CSK: variants seen among roughly 807,000 people sequenced by gnomAD.
CSK encodes the protein tyrosine-protein kinase CSK.
A neutral mutation model predicts 62.3 loss-of-function variants in CSK; 7 were observed. The ratio of observed to expected loss-of-function variants is 0.11; its 90% confidence interval spans 0.06 to 0.21. The LOEUF is 0.21. Among genes scored for constraint, CSK ranks in the 10% least tolerant of loss-of-function variants. CSK has a pLI of 1.00. For synonymous variants in CSK, 237 were observed against 246.0 expected (o/e 0.96, Z 0.34); for missense variants, 294 against 613.5 (o/e 0.48, Z 5.50).
chr15:74,792,362 A>G (rs1239240060), intron 1 of CSK, among the ~76,000 whole-genome samples: 1 of 152,148 alleles, frequency 6.6e-6, no homozygotes, highest in Non-Finnish European at 1.5e-5. Context: ...GAGACAGGGC[A>G]CAGGTGTCCT....
In CSK at chr15:74,797,322, G is replaced by A. The variant is rs368122650; in HGVS notation, c.-65-911G>A. ...TGTAATCCCAGCATTTTGGGAGGCCGAGGTGGGTGGATCACCTGAGGTCAG... is the reference window on the plus strand; with the variant it reads ...TGTAATCCCAGCATTTTGGGAGGCCAAGGTGGGTGGATCACCTGAGGTCAG... On this transcript the variant is annotated intron_variant, in intron 1 of 12. Coordinates refer to ENST00000220003, the MANE Select transcript of CSK (RefSeq NM_004383.3). Among the ~76,000 whole-genome samples, 12 of 152,304 alleles carry A rather than the reference G, an allele frequency of 7.9e-5. No individual in the cohort carries two copies. In the East Asian group the frequency reaches 1.9e-3, roughly 25 times the overall value.
In CSK at chr15:74,800,392, C is replaced by T; in HGVS notation, c.463-20C>T. 3.7e-6 allele frequency: 6 copies of T among 1,610,942 alleles called. No homozygotes were observed. Among genetic ancestry groups the T allele is most frequent in the African/African-American group, 1.3e-5 (1 of 74,960 alleles). ...GCACCTTGGGCTGTCTCTGAGCACCCTGCCCCCCACACCCTGCAGCACTAC... is the reference window on the plus strand; with the variant it reads ...GCACCTTGGGCTGTCTCTGAGCACCTTGCCCCCCACACCCTGCAGCACTAC... On this transcript the variant is annotated intron_variant, in intron 5 of 12. Coordinates refer to ENST00000220003, the MANE Select transcript of CSK (RefSeq NM_004383.3).
At chr15:74,790,219 T>C (rs887487603) in intron 1 of CSK, among the ~76,000 whole-genome samples, 3 of 152,212 alleles carry the variant, frequency 2.0e-5, no homozygotes, top group African/African-American at 7.2e-5. Context: ...CACTTCCCTT[T>C]TCAGTGGGTA....
At chr15:74,788,344 G>A (rs8033381) in intron 1 of CSK, among the ~76,000 whole-genome samples, 100,809 of 151,996 alleles carry the variant, frequency 0.66, 33,853 homozygotes, top group Non-Finnish European at 0.72. Context: ...TCAGGGTGTC[G>A]TCTGTCCTGC....
In CSK at chr15:74,800,815, GC is replaced by G; in HGVS notation, c.623-3del. 3 of 1,609,662 alleles carry G rather than the reference GC, an allele frequency of 1.9e-6. No individual in the cohort carries two copies. The highest frequency in any genetic ancestry group is 2.5e-6 in the Non-Finnish European group (3 of 1,178,086). ...AACTTGGGAACAAGACCACCTCTCT[GC>G]CCCCAGACGTGATGCTGGGCGATTA... On this transcript the variant is annotated splice_polypyrimidine_tract_variant and splice_region_variant and intron_variant, in intron 7 of 12. Coordinates refer to ENST00000220003, the MANE Select transcript of CSK (RefSeq NM_004383.3).
intron 5 of CSK, 85 bp downstream of exon 5, chr15:74,799,576 T>A (rs1340825741): frequency 7.4e-6 from 10 of 1,355,718 alleles, no homozygotes; most frequent in Middle Eastern, 3.9e-4. Context: ...CCAGCCCCAC[T>A]GCTTCTGCGT....
intron 1 of CSK, among the ~76,000 whole-genome samples, chr15:74,793,470 G>A (rs2063656621): frequency 6.6e-6 from 1 of 152,194 alleles, no homozygotes; most frequent in Non-Finnish European, 1.5e-5. Flanking sequence ...CGGCAGGGAG[G>A]CACGGGGCTA....
chr15:74,789,404 G>A (rs3784790), intron 1 of CSK, among the ~76,000 whole-genome samples: 2 of 151,998 alleles, frequency 1.3e-5, no homozygotes, highest in Admixed American at 1.3e-4. Context: ...GGAAGCCCTC[G>A]GGCACCCTTC....
At position 74,801,873 on chromosome 15, in the gene CSK, G is replaced by GAGGCCCTGAGAGAGAAGGTGGGC; in HGVS notation, c.1083+5_1083+6insCAGGCCCTGAGAGAGAAGGTGGG. Reference sequence around the variant, plus strand: ...GCTGCCAGTCAAGTGGACAGCCCCTGAGGCCCTGAGAGAGAAGGTGGGGCT... The same window carrying GAGGCCCTGAGAGAGAAGGTGGGC: ...GCTGCCAGTCAAGTGGACAGCCCCTGAGGCCCTGAGAGAGAAGGTGGGCAGGCCCTGAGAGAGAAGGTGGGGCT... On this transcript the variant is annotated frameshift_variant, in exon 11 of 13. Coordinates refer to ENST00000220003, the MANE Select transcript of CSK (RefSeq NM_004383.3). LOFTEE classifies it high-confidence loss of function. 1 of 1,611,476 alleles carries GAGGCCCTGAGAGAGAAGGTGGGC rather than the reference G, an allele frequency of 6.2e-7. No individual in the cohort carries two copies. Among genetic ancestry groups the GAGGCCCTGAGAGAGAAGGTGGGC allele is most frequent in the Non-Finnish European group, 8.5e-7 (1 of 1,178,106 alleles).
intron 1 of CSK, among the ~76,000 whole-genome samples, chr15:74,785,997 TCTCTC>T (rs2063510760): frequency 1.2e-5 from 1 of 84,822 alleles, no homozygotes; most frequent in Non-Finnish European, 2.8e-5. Flanking sequence ...TCTCTCTCTC[TCTCTC>T]TTTTTTTTTT....
chr15:74,802,151 C>T, intron 12 of CSK, 68 bp downstream of exon 12: 1 of 1,519,552 alleles, frequency 6.6e-7, no homozygotes, highest in South Asian at 1.2e-5. Context: ...GCGTGAGCCT[C>T]CTTGGGCCCT....
intron 1 of CSK, among the ~76,000 whole-genome samples, chr15:74,791,782 G>A (rs2063624337): frequency 6.6e-6 from 1 of 152,226 alleles, no homozygotes; most frequent in African/African-American, 2.4e-5. Context: ...GTTGGAGTCA[G>A]GTGGAACAGC....
At chr15:74,785,204 G>A (rs1387220334) in intron 1 of CSK, among the ~76,000 whole-genome samples, 2 of 152,208 alleles carry the variant, frequency 1.3e-5, no homozygotes, top group South Asian at 4.1e-4. Flanking sequence ...TCACTGGAGT[G>A]TGTGTGCCGT....
chr15:74,800,095 C>T (rs1567218954), intron 5 of CSK, among the ~76,000 whole-genome samples: 1 of 152,186 alleles, frequency 6.6e-6, no homozygotes, highest in Non-Finnish European at 1.5e-5. Flanking sequence ...AGGGTGGGGT[C>T]CTGGGCACTC....
chr15:74,793,491 T>C (rs1054578041), intron 1 of CSK, among the ~76,000 whole-genome samples: 6 of 152,162 alleles, frequency 3.9e-5, no homozygotes, highest in Admixed American at 2.0e-4. Flanking sequence ...TGGGGAGGGC[T>C]GGCTCAGCAG....
chr15:74,800,309 C>T (rs2063768909), intron 5 of CSK, 103 bp from the exon 6 acceptor site: 1 of 975,560 alleles, frequency 1.0e-6, no homozygotes, highest in African/African-American at 1.6e-5. Flanking sequence ...TGACTCCAGG[C>T]TAGGCGGGGC....
chr15:74,788,394 C>G (rs967076602), intron 1 of CSK: 2 of 152,278 alleles, frequency 1.3e-5, no homozygotes, highest in African/African-American at 4.8e-5. Flanking sequence ...AACCAAGGTT[C>G]AGACAACTCT....
chr15:74,793,446 TC>T (rs2063656103), intron 1 of CSK, among the ~76,000 whole-genome samples: 1 of 152,098 alleles, frequency 6.6e-6, no homozygotes, highest in African/African-American at 2.4e-5. Flanking sequence ...CCATGGCAAC[TC>T]CTGGGGCCTG....
intron 1 of CSK, among the ~76,000 whole-genome samples, chr15:74,784,666 C>T (rs1429695067): frequency 6.6e-6 from 1 of 152,194 alleles, no homozygotes; most frequent in South Asian, 2.1e-4. Context: ...CAGAGTGGCC[C>T]TCGGCAAGGG....
Sources: gnomAD v4.1 joint callset for allele counts (sites outside exome capture counted in the v4.1 genomes callset) on GRCh38, gnomAD v4.1.1 for gene constraint, MANE v1.5 for transcripts, NCBI Gene and HGNC (gene_info 2026-07-23, HGNC 2026-07-21) for gene names.